Variants in DNAH17 observed in about 807,000 individuals in gnomAD.
DNAH17 encodes the protein axonemal beta dynein heavy chain 17.
A neutral mutation model predicts 485.6 loss-of-function variants in DNAH17; 376 were observed. The observed-to-expected ratio is 0.77, with a 90% CI of 0.71 to 0.84. The LOEUF (loss-of-function observed/expected upper bound fraction) is 0.84, where lower values mean the gene tolerates loss of function less well. DNAH17 is among the 40% of genes least tolerant of loss of function. The pLI is 0.00. For synonymous variants in DNAH17, 3,031 were observed against 2,405.9 expected (o/e 1.26, Z -7.60); for missense variants, 6,370 against 5,839.3 (o/e 1.09, Z -2.96).
At chr17:78,490,587 T>A in intron 44 of DNAH17, 112 bp downstream of exon 44, 1 of 1,432,740 alleles carries the variant, frequency 7.0e-7, no homozygotes, top group Non-Finnish European at 9.4e-7. Context: ...GGTGAGGGCC[T>A]GATACACAGT....
chr17:78,457,904 A>C (rs2087888936), intron 62 of DNAH17, among the ~76,000 whole-genome samples: 1 of 151,888 alleles, frequency 6.6e-6, no homozygotes, highest in South Asian at 2.1e-4. Context: ...CAGGTGATCC[A>C]CCCACCTTGG....
rs563195140 is a variant in DNAH17, at chr17:78,575,054, T to C, written c.4A>G (p.Thr2Ala). 6.2e-7 allele frequency: 1 copy of C among 1,611,582 alleles called. No individual in the cohort carries two copies. The highest frequency in any genetic ancestry group is 2.2e-5 in the East Asian group (1 of 44,838). MTMAPDVRLEYL... is the reference protein window; with the variant it reads MAMAPDVRLEYL... ...TCTAGTCTGACGTCCGGGGCCATTGTCATCTTGGCCTTTCCTTACACTGTG... is the reference window on the plus strand; with the variant it reads ...TCTAGTCTGACGTCCGGGGCCATTGCCATCTTGGCCTTTCCTTACACTGTG... Residue 2 changes from threonine (T) to alanine (A), a missense_variant, in exon 2 of 81, where the codon ACA (threonine) becomes GCA (alanine). By Grantham distance (58) the Thr-to-Ala change is moderately conservative. Transcript: ENST00000389840.
chr17:78,493,929 G>A (rs2089965354), intron 41 of DNAH17, 107 bp downstream of exon 41: 1 of 1,444,490 alleles, frequency 6.9e-7, no homozygotes, highest in Non-Finnish European at 9.2e-7. Flanking sequence ...AGGATGTACT[G>A]GGTTGGGGTC....
rs781064698 is a variant in DNAH17 at position 78,532,476 on chromosome 17, A to T, written c.3114+6T>A. Reference sequence around the variant, plus strand: ...AAGGAGGCTGGTGGGTGAGGTCTGCACGCACCTGCTCCTGGAACTGAGCCA... The same window carrying T: ...AAGGAGGCTGGTGGGTGAGGTCTGCTCGCACCTGCTCCTGGAACTGAGCCA... On this transcript the variant is annotated splice_donor_region_variant and intron_variant, in intron 20 of 80. Coordinates refer to ENST00000389840, the MANE Select transcript of DNAH17 (RefSeq NM_173628.4). The T allele has an allele frequency of 5.0e-6, 8 of 1,607,150 alleles. No individual in the cohort carries two copies. The highest frequency in any genetic ancestry group is 6.8e-6 in the Non-Finnish European group (8 of 1,177,204).
Position 78,459,140 on chromosome 17 carries a change from A to G in DNAH17, c.9722T>C (p.Leu3241Pro). Residue 3241 changes from leucine (L) to proline (P), a missense_variant, in exon 61 of 81, where the codon CTG (leucine) becomes CCG (proline). By Grantham distance (98) the Leu-to-Pro change is moderately conservative (BLOSUM62 -3). Transcript: ENST00000389840. The stretch of plus-strand genomic sequence containing the variant: ...GACGATGTTGATGCACCAGGAGCAC[A>G]GGCCGGCGGCGGCCGTGGACTTGGA... Reference protein sequence around the residue: ...IRSKSTAAAGLCSWCINIVRF... With the variant: ...IRSKSTAAAGPCSWCINIVRF... 6.2e-7 allele frequency: 1 copy of G among 1,613,980 alleles called. No homozygotes were observed. Among genetic ancestry groups the G allele is most frequent in the Non-Finnish European group, 8.5e-7 (1 of 1,179,892 alleles).
intron 14 of DNAH17, among the ~76,000 whole-genome samples, chr17:78,553,534 T>G (rs972067180): frequency 1.1e-4 from 16 of 152,058 alleles, no homozygotes; most frequent in African/African-American, 3.1e-4. Context: ...ACTCCTGACC[T>G]CAAATGATCC....
intron 19 of DNAH17, among the ~76,000 whole-genome samples, chr17:78,536,875 T>C (rs1315152651): frequency 2.0e-5 from 3 of 151,658 alleles, no homozygotes; most frequent in African/African-American, 7.3e-5. Context: ...TCACACGATG[T>C]CATTTAAAAG....
chr17:78,477,892 TCAC>T (rs1310820910), intron 51 of DNAH17, among the ~76,000 whole-genome samples: 3 of 150,776 alleles, frequency 2.0e-5, no homozygotes, highest in Non-Finnish European at 4.4e-5. Context: ...ATCGCTATCA[TCAC>T]CACCATCATC....
At chr17:78,498,893 G>A (rs933626574) in intron 37 of DNAH17, 115 bp downstream of exon 37, 3 of 756,940 alleles carry the variant, frequency 4.0e-6, no homozygotes, top group South Asian at 2.3e-5. Flanking sequence ...ACCACCCTTC[G>A]GTGCTTGGAA....
At position 78,423,931 on chromosome 17, in the gene DNAH17, G is replaced by C. The variant is rs1463347514; in HGVS notation, c.13364C>G (p.Ala4455Gly). 1 of 1,613,990 alleles carries C rather than the reference G, an allele frequency of 6.2e-7. No individual in the cohort carries two copies. The highest frequency in any genetic ancestry group is 8.5e-7 in the Non-Finnish European group (1 of 1,179,892). ...CTAAACCTGTAGGAGCAGCGCCACG[G>C]CTGCCAGGATCCACTTCGCTGCCTT... ...KEKAAKWILA[A>G]VALLLQV Residue 4455 changes from alanine to glycine, a missense_variant, in exon 81 of 81, where the codon GCC (alanine) becomes GGC (glycine). Physicochemically the swap from Ala to Gly is moderately conservative, Grantham distance 60 (BLOSUM62 0). Transcript: ENST00000389840.
intron 54 of DNAH17, among the ~76,000 whole-genome samples, chr17:78,470,067 CTCT>C (rs1281938685): frequency 2.4e-5 from 2 of 83,504 alleles, no homozygotes; most frequent in Non-Finnish European, 4.4e-5. Context: ...AAATGTCTTA[CTCT>C]TTTTTTTTTT....
chr17:78,475,540 T>C (rs867741077), intron 53 of DNAH17, 71 bp from the exon 54 acceptor site: 23 of 1,604,824 alleles, frequency 1.4e-5, no homozygotes, highest in South Asian at 7.7e-5. Flanking sequence ...GCACGGACTC[T>C]GCACATGCTG....
chr17:78,449,603 G>C lies in DNAH17; in HGVS notation c.11041-19C>G, dbSNP rs529948933. 6 of 1,592,766 alleles carry C rather than the reference G, an allele frequency of 3.8e-6. No homozygotes were observed. The East Asian group carries it at 9.1e-5, about 24-fold the overall frequency. On this transcript the variant is annotated intron_variant, in intron 68 of 80. Transcript: ENST00000389840. ...TGAAGGCCTGGGGATCCGCCACCGA[G>C]AGCCATGGAGGCGTGCAGAGATGGA...
chr17:78,515,675 G>T (rs1232793289), intron 25 of DNAH17, among the ~76,000 whole-genome samples: 1 of 152,230 alleles, frequency 6.6e-6, no homozygotes, highest in Admixed American at 6.5e-5. Flanking sequence ...ACAATACCCA[G>T]CTTGGCATTC....
Position 78,437,785 on chromosome 17 carries a change from C to A in DNAH17, c.11889G>T (p.Arg3963=), listed in dbSNP as rs772006818. ...HYSTGSHEDY[R]VFISAEPAPS... is the part of the protein sequence containing the mutation. ...GGGCAGGCTCCGCGCTGATGAACAC[C>A]CGGTAGTCCTCATGGCTGCCCGTGC... Residue 3963 remains arginine (R), a synonymous_variant, in exon 74 of 81, where the codon CGG becomes CGT. Coordinates refer to ENST00000389840, the MANE Select transcript of DNAH17 (RefSeq NM_173628.4). 2.5e-6 allele frequency: 4 copies of A among 1,612,584 alleles called. No individual in the cohort carries two copies. In the South Asian group the frequency reaches 4.4e-5, roughly 18 times the overall value.
Position 78,487,430 on chromosome 17 carries a change from G to A in DNAH17, c.6819-924C>T, listed in dbSNP as rs138076277. Among the ~76,000 whole-genome samples, 493 of 152,320 alleles carry A rather than the reference G, an allele frequency of 3.2e-3. 2 individuals carry two copies. Among genetic ancestry groups the A allele is most frequent in the Non-Finnish European group, 5.7e-3 (386 of 68,028 alleles). On this transcript the variant is annotated intron_variant, in intron 44 of 80. Coordinates refer to ENST00000389840, the MANE Select transcript of DNAH17 (RefSeq NM_173628.4). ...CCTCGAGTGCCAGTGAGCTCAGCAC[G>A]TGCATCATTTCCAGGATGCCCAGGG...
chr17:78,573,174 C>G (rs2092384791), intron 2 of DNAH17, among the ~76,000 whole-genome samples: 1 of 152,166 alleles, frequency 6.6e-6, no homozygotes, highest in South Asian at 2.1e-4. Context: ...CTCTTGCACC[C>G]ATAGCACACA....
At position 78,571,021 on chromosome 17, in the gene DNAH17, G is replaced by C; in HGVS notation, c.845C>G (p.Ala282Gly). 1 of 1,572,326 alleles carries C rather than the reference G, an allele frequency of 6.4e-7. No homozygotes were observed. ...CTTCAAATAGAGCACGATGTCGTTGGCTTCCTTCAGCCCTGCACGGAACAA... is the reference window on the plus strand; with the variant it reads ...CTTCAAATAGAGCACGATGTCGTTGCCTTCCTTCAGCCCTGCACGGAACAA... ...YTNVTEGLKE[A>G]NDIVLYLKPL... The change falls in exon 6 of 81, where the codon GCC (alanine) becomes GGC (glycine). Residue 282 changes from alanine (A) to glycine (G), a missense_variant. Transcript: ENST00000389840.
Position 78,445,611 on chromosome 17 carries a change from C to T in DNAH17, c.11281G>A (p.Gly3761Arg), listed in dbSNP as rs1005194005. ...AGGAAGTCCACTGGTGAGACCACTC[C>T]GGCCTTAAAAGGGAACCGCAGGAGG... is the stretch of plus-strand genomic sequence containing the variant. ...DFLLRFPFKAGVVSPVDFLQH... is the reference protein window; with the variant it reads ...DFLLRFPFKARVVSPVDFLQH... The change falls in exon 70 of 81, where the codon GGA becomes AGA. Residue 3761 changes from glycine (G) to arginine (R), a missense_variant. Gly to Arg is a moderately radical substitution (Grantham distance 125). Transcript: ENST00000389840. The T allele has an allele frequency of 7.0e-6, 11 of 1,565,866 alleles. No homozygotes were observed. Among genetic ancestry groups the T allele is most frequent in the African/African-American group, 4.1e-5 (3 of 73,672 alleles).
Sources: gnomAD v4.1 joint callset for allele counts (sites outside exome capture counted in the v4.1 genomes callset) on GRCh38, gnomAD v4.1.1 for gene constraint, MANE v1.5 for transcripts, NCBI Gene and HGNC (gene_info 2026-07-23, HGNC 2026-07-21) for gene names.